TLE6: variants seen among roughly 807,000 people sequenced by gnomAD.
TLE6 encodes TLE family member 6, subcortical maternal complex member, also known as transducin-like enhancer protein 6.
In TLE6, 72 loss-of-function variants were observed where a neutral mutation model predicts 77.1. The ratio of observed to expected loss-of-function variants is 0.93; its 90% confidence interval spans 0.77 to 1.14. The LOEUF is 1.14. Among genes scored for constraint, TLE6 ranks in the 50% most tolerant of loss-of-function variants. The pLI, the probability that TLE6 is intolerant of heterozygous loss-of-function variation, is 0.00. For missense variants in TLE6, 843 were observed against 747.6 expected (o/e 1.13, Z -1.49); for synonymous variants, 366 against 287.3 (o/e 1.27, Z -2.77).
At chr19:2,980,738 T>TA (rs751491532) in intron 3 of TLE6, among the ~76,000 whole-genome samples, 4,644 of 106,312 alleles carry the variant, frequency 0.044, 215 homozygotes, top group African/African-American at 0.13. Context: ...ACTCGGTCTT[T>TA]AAAAAAAAAA....
intron 5 of TLE6, among the ~76,000 whole-genome samples, chr19:2,982,937 G>A (rs545700179): frequency 5.0e-4 from 76 of 152,292 alleles, no homozygotes; most frequent in African/African-American, 1.8e-3. Context: ...TGACATGGGA[G>A]TGAGGGGAGC....
At chr19:2,982,258 C>G (rs908183584) in intron 5 of TLE6, 69 bp downstream of exon 5, 5 of 1,517,192 alleles carry the variant, frequency 3.3e-6, no homozygotes, top group Non-Finnish European at 4.5e-6. Context: ...CAGAGGGGGG[C>G]CGGGCACAGT....
chr19:2,983,459 A>AGGC lies in TLE6; in HGVS notation c.222+1271_222+1273dup, dbSNP rs576931703. ...ATGCGAGAAGGTGACATCTGAGCGG[A>AGGC]GGCTTAAAGGACATCAAAGAGGAAG... On this transcript the variant is annotated intron_variant, in intron 5 of 16. Transcript: ENST00000246112. 3.9e-5 allele frequency among the ~76,000 whole-genome samples: 6 copies of AGGC among 152,168 alleles called. No individual in the cohort carries two copies. In the South Asian group the frequency reaches 8.3e-4, roughly 21 times the overall value.
rs1293471265 is a variant in TLE6, at chr19:2,993,540, C to T, written c.1495C>T (p.Gln499Ter). ...CGGGAGCCAGCGGCACATGGTGGGG[C>T]AAAAAGACAGCGTCATCCTGAGCGT... ...TSGSQRHMVG[Q>*]KDSVILSVKF... The change falls in exon 15 of 17, where the codon CAA becomes TAA. Residue 499 changes from glutamine to a stop codon, truncating the protein, a stop_gained. Transcript: ENST00000246112. LOFTEE classifies it high-confidence loss of function. 1 of 1,586,874 alleles carries T rather than the reference C, an allele frequency of 6.3e-7. No homozygotes were observed. The highest frequency in any genetic ancestry group is 1.1e-5 in the South Asian group (1 of 89,788).
At chr19:2,981,513 C>A in intron 3 of TLE6, 25 bp from the exon 4 acceptor site, 2 of 1,551,294 alleles carry the variant, frequency 1.3e-6, no homozygotes, top group Non-Finnish European at 1.7e-6. Context: ...CACAGGTCTT[C>A]CAGCCTGTCC....
chr19:2,994,141 GAC>G (rs2089155297), intron 16 of TLE6, 46 bp downstream of exon 16: 2 of 1,529,464 alleles, frequency 1.3e-6, no homozygotes, highest in African/African-American at 2.7e-5. Flanking sequence ...GCCCCAAAGG[GAC>G]CAGCCTGGGC....
Position 2,987,904 on chromosome 19 carries a change from G to C in TLE6, c.632G>C (p.Arg211Thr), listed in dbSNP as rs1191829385. The C allele has an allele frequency of 6.2e-7, 1 of 1,609,340 alleles. No homozygotes were observed. Among genetic ancestry groups the C allele is most frequent in the Non-Finnish European group, 8.5e-7 (1 of 1,176,942 alleles). The change falls in exon 10 of 17, where the codon AGG (arginine) becomes ACG (threonine). Residue 211 changes from arginine to threonine, a missense_variant. Arg to Thr is a moderately conservative substitution (Grantham distance 71). Transcript: ENST00000246112. ...CCTCTTGTCTCCCCACTAGCCCCCA[G>C]GCCACCTGAGGCCTCCTCCAGTCCC... ...DPCPEDASTPRPPEASSSPPE... is the reference protein window; with the variant it reads ...DPCPEDASTPTPPEASSSPPE...
intron 5 of TLE6, 46 bp from the exon 6 acceptor site, chr19:2,986,783 T>G (rs1402073843): frequency 3.2e-6 from 5 of 1,542,220 alleles, no homozygotes; most frequent in Non-Finnish European, 4.4e-6. Context: ...TTGCAAACCC[T>G]TAACTGCAAC....
intron 13 of TLE6, among the ~76,000 whole-genome samples, chr19:2,991,023 TACATACATACATACATAC>T (rs1453493631): frequency 1.3e-4 from 17 of 133,548 alleles, no homozygotes; most frequent in African/African-American, 4.3e-4. Context: ...CATACATACA[TACATACATACATACATAC>T]ATATATGTAT....
At chr19:2,979,615 G>C (rs1370947721) in intron 2 of TLE6, among the ~76,000 whole-genome samples, 1 of 151,814 alleles carries the variant, frequency 6.6e-6, no homozygotes, top group African/African-American at 2.4e-5. Flanking sequence ...TTAGACTTTA[G>C]GCCAAAGTGC....
rs1433614385 is a variant in TLE6 at position 2,987,764 on chromosome 19, CAGA to C, written c.600_602del (p.Asp201del). On this transcript the variant is annotated inframe_deletion, in exon 9 of 17. Transcript: ENST00000246112. ...GCACCAGGATCCTGTGACCCAGGAACAGACCCATGTCCTGAAGATGCCTCCAGT... is the reference window on the plus strand; with the variant it reads ...GCACCAGGATCCTGTGACCCAGGAACCCCATGTCCTGAAGATGCCTCCAGT... 22 of 1,614,048 alleles carry C rather than the reference CAGA, an allele frequency of 1.4e-5. No homozygotes were observed. The highest frequency in any genetic ancestry group is 1.9e-5 in the Non-Finnish European group (22 of 1,180,022).
intron 16 of TLE6, among the ~76,000 whole-genome samples, chr19:2,994,337 G>A (rs965456261): frequency 1.7e-4 from 26 of 152,228 alleles, no homozygotes; most frequent in Admixed American, 1.6e-3. Flanking sequence ...TGAGCCGGGT[G>A]CGGTGGCTCA....
At chr19:2,982,516 C>A (rs1317855472) in intron 5 of TLE6, among the ~76,000 whole-genome samples, 1 of 132,670 alleles carries the variant, frequency 7.5e-6, no homozygotes, top group Non-Finnish European at 1.5e-5. Context: ...CCAGCCTGGG[C>A]GACAGCGAGA....
chr19:2,989,316 G>A lies in TLE6; in HGVS notation c.993+3G>A. 3 of 1,612,528 alleles carry A rather than the reference G, an allele frequency of 1.9e-6. No homozygotes were observed. Among genetic ancestry groups the A allele is most frequent in the Middle Eastern group, 1.7e-4 (1 of 6,060 alleles). On this transcript the variant is annotated splice_donor_region_variant and intron_variant, in intron 12 of 16. Coordinates refer to ENST00000246112, the MANE Select transcript of TLE6 (RefSeq NM_001143986.2). Reference sequence around the variant, plus strand: ...CTGAGAGCCACCTGCCTATACAGGTGAGGACGGCCTTGGTTTCCAGGGATG... The same window carrying A: ...CTGAGAGCCACCTGCCTATACAGGTAAGGACGGCCTTGGTTTCCAGGGATG...
chr19:2,989,097 GA>G lies in TLE6; in HGVS notation c.778del (p.Arg260GlyfsTer55), dbSNP rs2088980541. 1 of 1,614,032 alleles carries G rather than the reference GA, an allele frequency of 6.2e-7. No homozygotes were observed. Among genetic ancestry groups the G allele is most frequent in the Non-Finnish European group, 8.5e-7 (1 of 1,180,062 alleles). ...CTGAGGACTTTGAAGATGCATGGAA[GA>G]GGCCAGATGCCTTGCCCGGGCAGTC... The part of the protein sequence containing the change: ...DPEDFEDAWK[R>X]PDALPGQSKR... On this transcript the variant is annotated frameshift_variant, in exon 12 of 17. Transcript: ENST00000246112. LOFTEE classifies it high-confidence loss of function.
At chr19:2,989,400 G>GA in intron 12 of TLE6, 87 bp downstream of exon 12, 2 of 1,585,888 alleles carry the variant, frequency 1.3e-6, no homozygotes, top group South Asian at 2.2e-5. Context: ...AGATCGTGGA[G>GA]AGAGGGCTTC....
At chr19:2,990,869 C>CGG (rs2089035087) in intron 13 of TLE6, among the ~76,000 whole-genome samples, 2 of 151,168 alleles carry the variant, frequency 1.3e-5, no homozygotes, top group East Asian at 4.0e-4. Context: ...GGCGTGGTGG[C>CGG]ACATGCCTGT....
chr19:2,978,348 C>G, intron 2 of TLE6, 64 bp downstream of exon 2: 1 of 1,517,568 alleles, frequency 6.6e-7, no homozygotes, highest in Non-Finnish European at 8.9e-7. Flanking sequence ...GGTTCTGCCC[C>G]TTTTCCACCT....
At chr19:2,980,251 G>A in intron 3 of TLE6, 69 bp downstream of exon 3, 6 of 1,332,948 alleles carry the variant, frequency 4.5e-6, no homozygotes, top group Non-Finnish European at 6.3e-6. Flanking sequence ...TCTCCCGGGG[G>A]TCCTAGTGAG....
Sources: allele counts gnomAD v4.1 joint callset (sites outside exome capture counted in the v4.1 genomes callset), GRCh38; gene constraint gnomAD v4.1.1; transcripts MANE v1.5; gene names NCBI Gene and HGNC (gene_info 2026-07-23, HGNC 2026-07-21).